The following EXO1 variants were observed in gnomAD, a reference collection of about 807,000 sequenced individuals.
The protein encoded by EXO1 is exonuclease 1.
In EXO1, 69 loss-of-function variants were observed where a neutral mutation model predicts 84.5. That is an observed-to-expected ratio of 0.82 (90% CI 0.67 to 1.00). The LOEUF (loss-of-function observed/expected upper bound fraction) is 1.00. Ranked by LOEUF, EXO1 falls within the 50% of genes least tolerant of loss-of-function variation. The pLI is 0.00. For missense variants in EXO1, 1,045 were observed against 1,000.7 expected, an observed-to-expected ratio of 1.04 and a Z score of -0.60; for synonymous variants, 373 against 366.1, an observed-to-expected ratio of 1.02 and a Z score of -0.21.
At chr1:241,884,034 C>T (rs1172911888) in intron 14 of EXO1, among the ~76,000 whole-genome samples, 2 of 152,068 alleles carry the variant, frequency 1.3e-5, no homozygotes, top group East Asian at 3.9e-4. Context: ...AAACTCGTGT[C>T]TTTTACCTCT....
intron 6 of EXO1, among the ~76,000 whole-genome samples, chr1:241,854,203 T>G (rs567061828): frequency 1.3e-5 from 2 of 152,214 alleles, no homozygotes; most frequent in African/African-American, 2.4e-5. Flanking sequence ...AATGGCACGA[T>G]GTGGGCTCAC....
At chr1:241,878,038 C>T (rs946317686) in intron 12 of EXO1, among the ~76,000 whole-genome samples, 45 of 152,248 alleles carry the variant, frequency 3.0e-4, no homozygotes, top group African/African-American at 1.1e-3. Flanking sequence ...TTAGCCCCAT[C>T]CTAGGTACTG....
chr1:241,850,771 T>C (rs4149859), intron 4 of EXO1, among the ~76,000 whole-genome samples, 185 bp downstream of exon 4: 7,151 of 152,120 alleles, frequency 0.047, 345 homozygotes, highest in African/African-American at 0.12. Context: ...CCTAGTTTTC[T>C]TTCTTTATAA....
At chr1:241,889,422 C>A in intron 15 of EXO1, 43 bp from the exon 16 acceptor site, 1 of 1,567,792 alleles carries the variant, frequency 6.4e-7, no homozygotes, top group Non-Finnish European at 8.8e-7. Flanking sequence ...CTCTAATAAT[C>A]AGTACCTTAA....
intron 12 of EXO1, among the ~76,000 whole-genome samples, chr1:241,874,109 T>G (rs1345013926): frequency 1.3e-5 from 2 of 152,106 alleles, no homozygotes; most frequent in Non-Finnish European, 2.9e-5. Flanking sequence ...ATAGAAACAT[T>G]GAGAGGGTCG....
intron 10 of EXO1, among the ~76,000 whole-genome samples, chr1:241,862,623 A>T (rs1485522510): frequency 2.6e-5 from 4 of 152,238 alleles, no homozygotes; most frequent in Non-Finnish European, 5.9e-5. Flanking sequence ...GATTCTTTCC[A>T]ATAGAATGTG....
At position 241,852,202 on chromosome 1, in the gene EXO1, T is replaced by C. The variant is rs1660709289; in HGVS notation, c.162-90T>C. ...AAATAACAAAATAAAAAACCTTCTCTTTCCATAGTTTTCTCATCTGGCCTA... is the reference window on the plus strand; with the variant it reads ...AAATAACAAAATAAAAAACCTTCTCCTTCCATAGTTTTCTCATCTGGCCTA... On this transcript the variant is annotated intron_variant, in intron 4 of 15. Coordinates refer to ENST00000366548, the MANE Select transcript of EXO1 (RefSeq NM_130398.4). The C allele has an allele frequency of 2.6e-6, 3 of 1,158,304 alleles. No homozygotes were observed. The Admixed American group carries it at 5.7e-5, about 22-fold the overall frequency. 71.8% of individuals were successfully genotyped at this position (1,158,304 alleles called of 1,614,324 possible). A position where few individuals can be genotyped will look rare whatever the true frequency, so the allele number is the denominator to read the frequency against.
Position 241,873,121 on chromosome 1 carries a change from C to T in EXO1, c.1514+843C>T, listed in dbSNP as rs144238338. Among the ~76,000 whole-genome samples the T allele has an allele frequency of 8.0e-3, 1,218 of 151,590 alleles. 16 individuals carry two copies. The highest frequency in any genetic ancestry group is 0.027 in the African/African-American group (1,114 of 41,262). On this transcript the variant is annotated intron_variant, in intron 12 of 15. Coordinates refer to ENST00000366548, the MANE Select transcript of EXO1 (RefSeq NM_130398.4). ...TAAGTTCTAGGGTACATGTGTACAACGTGCAGGTTTGTCACATATGTATAC... is the reference window on the plus strand; with the variant it reads ...TAAGTTCTAGGGTACATGTGTACAATGTGCAGGTTTGTCACATATGTATAC...
Position 241,854,073 on chromosome 1 carries a change from C to T in EXO1, c.405+592C>T, listed in dbSNP as rs1285267010. Reference sequence around the variant, plus strand: ...CCTGTAAATCTTAGTGTCAAGGTGCCCACATTCCCAGCCCTCACTTTCCCC... The same window carrying T: ...CCTGTAAATCTTAGTGTCAAGGTGCTCACATTCCCAGCCCTCACTTTCCCC... On this transcript the variant is annotated intron_variant, in intron 6 of 15. Transcript: ENST00000366548. Among the ~76,000 whole-genome samples the T allele has an allele frequency of 2.0e-5, 3 of 152,098 alleles. No individual in the cohort carries two copies. The East Asian group carries it at 5.8e-4, about 29-fold the overall frequency.
intron 10 of EXO1, among the ~76,000 whole-genome samples, chr1:241,866,231 A>G (rs935046162): frequency 6.6e-6 from 1 of 152,148 alleles, no homozygotes; most frequent in Non-Finnish European, 1.5e-5. Flanking sequence ...CTCCTGCCTC[A>G]ACCTCCCAAG....
At chr1:241,860,450 C>T in intron 8 of EXO1, 67 bp from the exon 9 acceptor site, 1 of 1,228,376 alleles carries the variant, frequency 8.1e-7, no homozygotes, top group Non-Finnish European at 1.2e-6. Flanking sequence ...GTAAATCAAT[C>T]AGCCTTGAGG....
At position 241,861,471 on chromosome 1, in the gene EXO1, A is replaced by G. The variant is rs781262681; in HGVS notation, c.1010A>G (p.Gln337Arg). 2 of 1,592,662 alleles carry G rather than the reference A, an allele frequency of 1.3e-6. No individual in the cohort carries two copies. The highest frequency in any genetic ancestry group is 1.7e-6 in the Non-Finnish European group (2 of 1,160,400). The change falls in exon 10 of 16, where the codon CAG (glutamine) becomes CGG (arginine). Residue 337 changes from glutamine to arginine, a missense_variant. Gln to Arg is a conservative substitution (Grantham distance 43). Transcript: ENST00000366548. Reference protein sequence around the residue: ...LGNKDINTFEQIDDYNPDTAM... With the variant: ...LGNKDINTFERIDDYNPDTAM... Reference sequence around the variant, plus strand: ...AATAAAGATATAAATACTTTTGAACAGATCGATGACTACAATCCAGACACT... The same window carrying G: ...AATAAAGATATAAATACTTTTGAACGGATCGATGACTACAATCCAGACACT...
Position 241,879,125 on chromosome 1 carries a change from C to A in EXO1, c.1891C>A (p.Gln631Lys). The A allele has an allele frequency of 6.2e-7, 1 of 1,611,824 alleles. No homozygotes were observed. Residue 631 changes from glutamine to lysine, a missense_variant, in exon 13 of 16, where the codon CAG (glutamine) becomes AAG (lysine). Gln to Lys is a moderately conservative substitution (Grantham distance 53). Coordinates refer to ENST00000366548, the MANE Select transcript of EXO1 (RefSeq NM_130398.4). ...GAGCCCCTCTCCAAGCACAGCATTG[C>A]AGCAGTTCCGAAGAAAGAGCGATTC... ...TPSPSPSTAL[Q>K]QFRRKSDSPT...
At chr1:241,859,698 G>A (rs1242075903) in intron 8 of EXO1, among the ~76,000 whole-genome samples, 1 of 152,130 alleles carries the variant, frequency 6.6e-6, no homozygotes, top group Non-Finnish European at 1.5e-5. Context: ...TACCCAACCT[G>A]TATCTGCTGC....
At chr1:241,850,861 G>C (rs1433211623) in intron 4 of EXO1, among the ~76,000 whole-genome samples, 1 of 40,652 alleles carries the variant, frequency 2.5e-5, no homozygotes, top group Non-Finnish European at 4.9e-5. Context: ...TTTTTTTTTA[G>C]ATGGAATCTC....
intron 13 of EXO1, among the ~76,000 whole-genome samples, chr1:241,881,208 A>C (rs1662730284): frequency 6.6e-6 from 1 of 152,032 alleles, no homozygotes. Context: ...TTGTATTTTT[A>C]GTAGAGACAG....
intron 5 of EXO1, 36 bp downstream of exon 5, chr1:241,852,447 G>T (rs1660727064): frequency 6.3e-7 from 1 of 1,576,270 alleles, no homozygotes; most frequent in African/African-American, 1.3e-5. Context: ...TAACTTCATT[G>T]CACTAAGGTC....
At chr1:241,862,301 T>C (rs1196175558) in intron 10 of EXO1, among the ~76,000 whole-genome samples, 5 of 152,238 alleles carry the variant, frequency 3.3e-5, no homozygotes, top group Non-Finnish European at 7.3e-5. Flanking sequence ...CTGTCTCCCA[T>C]CATTGTCTTT....
chr1:241,855,244 C>G (rs974614525), intron 6 of EXO1, among the ~76,000 whole-genome samples: 2 of 151,976 alleles, frequency 1.3e-5, no homozygotes, highest in Non-Finnish European at 2.9e-5. Flanking sequence ...GGTGCGTTTA[C>G]AATCCCTGAG....
Sources: gnomAD v4.1 joint callset for allele counts (sites outside exome capture counted in the v4.1 genomes callset) on GRCh38, gnomAD v4.1.1 for gene constraint, MANE v1.5 for transcripts, NCBI Gene and HGNC (gene_info 2026-07-23, HGNC 2026-07-21) for gene names.